The following NOD1 variants were observed in gnomAD, a reference collection of about 807,000 sequenced individuals.
NOD1 encodes nucleotide-binding oligomerization domain-containing protein 1.
NOD1 carries 70 observed loss-of-function variants against 81.2 expected under a neutral mutation model. The observed-to-expected ratio is 0.86, with a 90% CI of 0.71 to 1.05. The LOEUF is 1.05. Ranked by LOEUF, NOD1 falls within the 50% of genes least tolerant of loss-of-function variation. The pLI, the probability that NOD1 is intolerant of heterozygous loss-of-function variation, is 0.00. For synonymous variants in NOD1, 508 were observed against 526.9 expected, an observed-to-expected ratio of 0.96 and a Z score of 0.49; for missense variants, 1,233 against 1,228.0, an observed-to-expected ratio of 1.00 and a Z score of -0.06.
chr7:30,445,118 G>A (rs1424424039), intron 9 of NOD1, among the ~76,000 whole-genome samples: 1 of 63,692 alleles, frequency 1.6e-5, no homozygotes. Context: ...TGGTGGGGTC[G>A]GGGGAGGGGG....
chr7:30,451,207 CAGCCTCACCTGAGA>C lies in NOD1; in HGVS notation c.2196_2201+8del. Reference sequence around the variant, plus strand: ...CCCACCTGTTGCTCCCCTTGCCTGGCAGCCTCACCTGAGAACAGTGAGGCGGCTGAAGCAGGGCT... The same window carrying C: ...CCCACCTGTTGCTCCCCTTGCCTGGCACAGTGAGGCGGCTGAAGCAGGGCT... On this transcript the variant is annotated splice_donor_variant and splice_donor_5th_base_variant and coding_sequence_variant and intron_variant, in exon 6 of 14. Transcript: ENST00000222823. LOFTEE classifies it high-confidence loss of function. This position sits in a 1 kb window ranked among gnomAD's most constrained non-coding sequence, Gnocchi z 4.2. 6.2e-7 allele frequency: 1 copy of C among 1,607,142 alleles called. No homozygotes were observed. Among genetic ancestry groups the C allele is most frequent in the South Asian group, 1.1e-5 (1 of 90,806 alleles).
chr7:30,451,768 G>T lies in NOD1; in HGVS notation c.1649C>A (p.Pro550His). The T allele has an allele frequency of 6.2e-7, 1 of 1,613,792 alleles. No homozygotes were observed. The highest frequency in any genetic ancestry group is 8.5e-7 in the Non-Finnish European group (1 of 1,179,998). The change falls in exon 6 of 14, where the codon CCT becomes CAT. Residue 550 changes from proline to histidine, a missense_variant. By Grantham distance (77) the Pro-to-His change is moderately conservative (BLOSUM62 -2). Transcript: ENST00000222823. The surrounding 1 kb of genome is among the most constrained non-coding windows in gnomAD (Gnocchi z 4.2). ...LLRFFQEWMP[P>H]AGAATTSCYP... ...GCAGGACGTGGTCGCTGCCCCCGCA[G>T]GGGGCATCCACTCCTGGAAGAACCT...
At chr7:30,466,418 A>T (rs1370519122) in intron 1 of NOD1, among the ~76,000 whole-genome samples, 6 of 152,114 alleles carry the variant, frequency 3.9e-5, no homozygotes, top group African/African-American at 1.2e-4. Flanking sequence ...GGGCAGCTGC[A>T]TCAGCTCAGG....
chr7:30,454,994 G>C, intron 5 of NOD1, 143 bp downstream of exon 5: 1 of 778,242 alleles, frequency 1.3e-6, no homozygotes, highest in Non-Finnish European at 2.1e-6. Context: ...TTGGGAGACA[G>C]GATTCAGCTG....
At position 30,452,624 on chromosome 7, in the gene NOD1, G is replaced by A; in HGVS notation, c.793C>T (p.Pro265Ser). 10 of 1,613,722 alleles carry A rather than the reference G, an allele frequency of 6.2e-6. No homozygotes were observed. The highest frequency in any genetic ancestry group is 8.5e-6 in the Non-Finnish European group (10 of 1,180,040). The change falls in exon 6 of 14, where the codon CCC (proline) becomes TCC (serine). Residue 265 changes from proline to serine, a missense_variant. Coordinates refer to ENST00000222823, the MANE Select transcript of NOD1 (RefSeq NM_006092.4). ...FKHYCYPERD[P>S]EEVFAFLLRF... Reference sequence around the variant, plus strand: ...AGCAGGAAGGCAAACACCTCCTCGGGGTCCCGCTCTGGGTAGCAGTAGTGC... The same window carrying A: ...AGCAGGAAGGCAAACACCTCCTCGGAGTCCCGCTCTGGGTAGCAGTAGTGC...
chr7:30,446,597 G>C lies in NOD1; in HGVS notation c.2369+370C>G, dbSNP rs566154015. On this transcript the variant is annotated intron_variant, in intron 8 of 13. Coordinates refer to ENST00000222823, the MANE Select transcript of NOD1 (RefSeq NM_006092.4). ...GTCAGGGCAGGACCAGAGGCTCCAA[G>C]CCTGGCGCACTGTCACCCCCTGCGC... The C allele has an allele frequency of 5.1e-6, 2 of 388,968 alleles. 1 individual carries two copies. Among genetic ancestry groups the C allele is most frequent in the African/African-American group, 4.1e-5 (2 of 49,156 alleles). 24.1% of individuals were successfully genotyped at this position (388,968 alleles called of 1,614,324 possible).
At position 30,478,586 on chromosome 7, in the gene NOD1, C is replaced by T. The variant is rs1366410438; in HGVS notation, c.-352+20G>A. ...CAGAAAGGGCCTGCCCCGCGCGAAT[C>T]CCCAGTCGCTGGGACTTACTTGGCC... On this transcript the variant is annotated intron_variant, in intron 1 of 13. Coordinates refer to ENST00000222823, the MANE Select transcript of NOD1 (RefSeq NM_006092.4). The surrounding 1 kb of genome is among the most constrained non-coding windows in gnomAD (Gnocchi z 4.1). The T allele has an allele frequency of 6.6e-6, 1 of 150,590 alleles. No individual in the cohort carries two copies. The highest frequency in any genetic ancestry group is 2.5e-5 in the African/African-American group (1 of 39,802). 9.3% of individuals were successfully genotyped at this position (150,590 alleles called of 1,614,324 possible).
chr7:30,464,225 A>ATGCC (rs1307930064), intron 1 of NOD1, among the ~76,000 whole-genome samples: 2 of 152,214 alleles, frequency 1.3e-5, no homozygotes, highest in African/African-American at 4.8e-5. Flanking sequence ...CGGCCCGGCC[A>ATGCC]TGCCTGCCTG....
chr7:30,449,511 TAG>T (rs1480943622), intron 6 of NOD1, among the ~76,000 whole-genome samples: 2 of 152,144 alleles, frequency 1.3e-5, no homozygotes, highest in Non-Finnish European at 2.9e-5. Flanking sequence ...TACTGATAGC[TAG>T]AGTGTCGACT....
chr7:30,465,107 G>A (rs1243978265), intron 1 of NOD1, among the ~76,000 whole-genome samples: 1 of 152,258 alleles, frequency 6.6e-6, no homozygotes, highest in African/African-American at 2.4e-5. Flanking sequence ...AGAGAGACAG[G>A]GGGGTGCCGT....
At position 30,452,419 on chromosome 7, in the gene NOD1, C is replaced by A. The variant is rs753274269; in HGVS notation, c.998G>T (p.Arg333Leu). 1.9e-6 allele frequency: 3 copies of A among 1,613,184 alleles called. No individual in the cohort carries two copies. Among genetic ancestry groups the A allele is most frequent in the Admixed American group, 1.7e-5 (1 of 59,994 alleles). The change falls in exon 6 of 14, where the codon CGC becomes CTC. Residue 333 changes from arginine to leucine, a missense_variant. Transcript: ENST00000222823. Reference sequence around the variant, plus strand: ...CTGGCGCGGGACCTCGATGCCTGTGCGGGCTGTGAGCAGCTTGCTAGCCCC... The same window carrying A: ...CTGGCGCGGGACCTCGATGCCTGTGAGGGCTGTGAGCAGCTTGCTAGCCCC... ...LKGASKLLTA[R>L]TGIEVPRQFL...
In NOD1 at chr7:30,437,594, T is replaced by TG; in HGVS notation, c.2515dup (p.His839ProfsTer41). 1 of 1,507,860 alleles carries TG rather than the reference T, an allele frequency of 6.6e-7. No individual in the cohort carries two copies. Among genetic ancestry groups the TG allele is most frequent in the Admixed American group, 2.8e-5 (1 of 35,370 alleles). 93.4% of individuals were successfully genotyped at this position (1,507,860 alleles called of 1,614,324 possible). A position where few individuals can be genotyped will look rare whatever the true frequency, so the allele number is the denominator to read the frequency against. On this transcript the variant is annotated frameshift_variant, in exon 10 of 14. Coordinates refer to ENST00000222823, the MANE Select transcript of NOD1 (RefSeq NM_006092.4). LOFTEE classifies it high-confidence loss of function. ...TTACCTCAGGGTGGTCAAGCTGGGG[T>TG]GGTTCCGCAGAGCCTCTGCGAAGGC...
chr7:30,438,491 G>A (rs538980386), intron 9 of NOD1, among the ~76,000 whole-genome samples: 49 of 152,310 alleles, frequency 3.2e-4, no homozygotes, highest in Middle Eastern at 3.4e-3. Flanking sequence ...CACACAAAGC[G>A]TTGGCTGTTC....
intron 1 of NOD1, among the ~76,000 whole-genome samples, chr7:30,471,522 A>G (rs898132721): frequency 1.2e-4 from 19 of 152,228 alleles, no homozygotes; most frequent in Non-Finnish European, 2.1e-4. Context: ...AAAACACCCA[A>G]TAAAGAATTT....
At chr7:30,431,454 A>G (rs947747586) in intron 12 of NOD1, among the ~76,000 whole-genome samples, 2 of 152,228 alleles carry the variant, frequency 1.3e-5, no homozygotes, top group African/African-American at 4.8e-5. Flanking sequence ...AGACATATAA[A>G]TCAATGGACC....
intron 3 of NOD1, among the ~76,000 whole-genome samples, chr7:30,457,496 T>C (rs1319376887): frequency 2.0e-5 from 3 of 152,068 alleles, no homozygotes; most frequent in Non-Finnish European, 4.4e-5. Flanking sequence ...AAAATCATAA[T>C]TTAATTGTTT....
intron 13 of NOD1, among the ~76,000 whole-genome samples, chr7:30,426,908 G>C (rs1297354742): frequency 6.6e-6 from 1 of 152,168 alleles, no homozygotes; most frequent in Admixed American, 6.5e-5. Context: ...CTTCCTCAGA[G>C]AGGCCTTCCC....
rs377256233 is a variant in NOD1 at position 30,448,415 on chromosome 7, G to C, written c.2202-34C>G. 142 of 1,536,736 alleles carry C rather than the reference G, an allele frequency of 9.2e-5. 1 individual carries two copies. In the Admixed American group the frequency reaches 2.0e-3, roughly 22 times the overall value. On this transcript the variant is annotated intron_variant, in intron 6 of 13. Transcript: ENST00000222823. Reference sequence around the variant, plus strand: ...AAACAGCAAAAAAATTACGAGTCAGGGCAGGCACTCATTATGAAGGACCAT... The same window carrying C: ...AAACAGCAAAAAAATTACGAGTCAGCGCAGGCACTCATTATGAAGGACCAT...
Position 30,452,441 on chromosome 7 carries a change from C to A in NOD1, c.976G>T (p.Ala326Ser), listed in dbSNP as rs751965250. ...GTGCGGGCTGTGAGCAGCTTGCTAGCCCCCTTGAGCAGCTTCCCACTGAGC... is the reference window on the plus strand; with the variant it reads ...GTGCGGGCTGTGAGCAGCTTGCTAGACCCCTTGAGCAGCTTCCCACTGAGC... ...NLLSGKLLKG[A>S]SKLLTARTGI... The change falls in exon 6 of 14, where the codon GCT becomes TCT. Residue 326 changes from alanine to serine, a missense_variant. Transcript: ENST00000222823. The A allele has an allele frequency of 3.1e-6, 5 of 1,613,194 alleles. No homozygotes were observed. In the African/African-American group the frequency reaches 5.3e-5, roughly 17 times the overall value.
Sources: allele counts gnomAD v4.1 joint callset (sites outside exome capture counted in the v4.1 genomes callset), GRCh38; gene constraint gnomAD v4.1.1; non-coding constraint Gnocchi (gnomAD v3.1); transcripts MANE v1.5; gene names NCBI Gene and HGNC (gene_info 2026-07-23, HGNC 2026-07-21).